Variants in HERC5 observed in about 807,000 individuals in gnomAD.
HERC5 encodes E3 ISG15--protein ligase HERC5.
In HERC5, 99 loss-of-function variants were observed where a neutral mutation model predicts 119.6. The ratio of observed to expected loss-of-function variants is 0.83; its 90% CI spans 0.70 to 0.98. The LOEUF is 0.98. Ranked by LOEUF, HERC5 falls within the 50% of genes least tolerant of loss-of-function variation. The probability of loss-of-function intolerance (pLI) is 0.00; values close to 1 mark genes in which losing one functional copy is unlikely to be tolerated. For missense variants in HERC5, 1,267 were observed against 1,241.3 expected (o/e 1.02, Z -0.31); for synonymous variants, 478 against 445.9 (o/e 1.07, Z -0.91).
At chr4:88,490,280 T>C (rs959002808) in intron 16 of HERC5, among the ~76,000 whole-genome samples, 2 of 152,218 alleles carry the variant, frequency 1.3e-5, no homozygotes, top group Admixed American at 1.3e-4. Flanking sequence ...CAACATTATG[T>C]GGCAGATTCT....
intron 13 of HERC5, among the ~76,000 whole-genome samples, chr4:88,483,592 G>A (rs558584102): frequency 1.4e-5 from 2 of 143,480 alleles, no homozygotes; most frequent in Admixed American, 7.3e-5. Context: ...GCAGTGGCAC[G>A]ATCTTGGCTT....
At chr4:88,505,035 A>C (rs1213104892) in intron 22 of HERC5, among the ~76,000 whole-genome samples, 1 of 152,172 alleles carries the variant, frequency 6.6e-6, no homozygotes, top group Non-Finnish European at 1.5e-5. Context: ...CTTTTGAGAA[A>C]TATTTATCTT....
At chr4:88,500,087 AC>A (rs1741905138) in intron 19 of HERC5, 95 bp downstream of exon 19, 1 of 760,832 alleles carries the variant, frequency 1.3e-6, no homozygotes, top group Non-Finnish European at 2.2e-6. Context: ...TAAAAAAAAA[AC>A]CTGAATAAAT....
At chr4:88,489,367 C>T in intron 16 of HERC5, 31 bp downstream of exon 16, 13 of 1,551,496 alleles carry the variant, frequency 8.4e-6, no homozygotes, top group Non-Finnish European at 1.1e-5. Context: ...AATGTTTTTG[C>T]TGCTGAGAAA....
Position 88,472,358 on chromosome 4 carries a change from G to T in HERC5, c.1299-51G>T, listed in dbSNP as rs759539784. On this transcript the variant is annotated intron_variant, in intron 10 of 22. Transcript: ENST00000264350. ...TGGGGCAAGCTCTAGAAGAAACTTT[G>T]CATCTAGGGAGATAATCTAACAAAA... 4 of 1,018,836 alleles carry T rather than the reference G, an allele frequency of 3.9e-6. No individual in the cohort carries two copies. In the East Asian group the frequency reaches 7.3e-5, roughly 19 times the overall value. The allele number at this position is 1,018,836 out of a possible 1,614,324, so 63.1% of individuals were successfully genotyped here. A position where few individuals can be genotyped will look rare whatever the true frequency, so the allele number is the denominator to read the frequency against.
chr4:88,500,242 G>C (rs916147276), intron 19 of HERC5, among the ~76,000 whole-genome samples: 1 of 152,192 alleles, frequency 6.6e-6, no homozygotes, highest in Non-Finnish European at 1.5e-5. Flanking sequence ...GGCCAGGCTG[G>C]ATGGTCTACA....
At chr4:88,457,645 C>T in intron 1 of HERC5, 111 bp downstream of exon 1, 2 of 1,111,212 alleles carry the variant, frequency 1.8e-6, no homozygotes, top group Admixed American at 4.2e-5. Context: ...GCCCAGAAGG[C>T]CGCAGACGCG....
intron 7 of HERC5, chr4:88,467,957 T>A: frequency 2.5e-6 from 2 of 803,948 alleles, no homozygotes; most frequent in Non-Finnish European, 3.0e-6. Context: ...TGATTCCTTA[T>A]AACAGTTACA....
chr4:88,468,321 T>A, intron 7 of HERC5, 25 bp from the exon 8 acceptor site: 1 of 1,547,448 alleles, frequency 6.5e-7, no homozygotes, highest in Non-Finnish European at 8.9e-7. Flanking sequence ...TTTCTAAAAC[T>A]CTTACTCTTT....
At chr4:88,463,785 CTT>C (rs994561321) in intron 5 of HERC5, 68 bp from the exon 6 acceptor site, 25 of 1,548,538 alleles carry the variant, frequency 1.6e-5, no homozygotes, top group Non-Finnish European at 2.1e-5. Context: ...TAGTGATTCA[CTT>C]TGCATCAGTG....
intron 11 of HERC5, chr4:88,473,906 A>C (rs1302927671): frequency 6.6e-6 from 1 of 152,226 alleles, no homozygotes; most frequent in Non-Finnish European, 1.5e-5. Context: ...AAATGAAATA[A>C]TCATAGGGCA....
chr4:88,463,780 A>T, intron 5 of HERC5, 75 bp from the exon 6 acceptor site: 2 of 1,530,538 alleles, frequency 1.3e-6, no homozygotes, highest in South Asian at 1.2e-5. Flanking sequence ...TTTATTAGTG[A>T]TTCACTTTGC....
chr4:88,463,679 G>T lies in HERC5; in HGVS notation c.780+56G>T, dbSNP rs1578465446. ...ATTTTTAGAAGAACAGTTTGTATGGGAAGTTAGTGTTTCCCAGAGAAGAAA... is the reference window on the plus strand; with the variant it reads ...ATTTTTAGAAGAACAGTTTGTATGGTAAGTTAGTGTTTCCCAGAGAAGAAA... On this transcript the variant is annotated intron_variant, in intron 5 of 22. Coordinates refer to ENST00000264350, the MANE Select transcript of HERC5 (RefSeq NM_016323.4). 3 of 1,495,834 alleles carry T rather than the reference G, an allele frequency of 2.0e-6. No individual in the cohort carries two copies. The Admixed American group carries it at 5.2e-5, about 26-fold the overall frequency. The allele number at this position is 1,495,834 out of a possible 1,614,324, so 92.7% of individuals were successfully genotyped here. A position where few individuals can be genotyped will look rare whatever the true frequency, so the allele number is the denominator to read the frequency against.
chr4:88,504,553 A>T lies in HERC5; in HGVS notation c.2825A>T (p.Lys942Met), dbSNP rs376489828. Reference protein sequence around the residue: ...SSHPTIVMFWKAFHKLTLEEK... With the variant: ...SSHPTIVMFWMAFHKLTLEEK... ...CATCCCACCATAGTGATGTTTTGGA[A>T]GGCTTTCCACAAATTGACTCTGGAA... Residue 942 changes from lysine (K) to methionine (M), a missense_variant, in exon 22 of 23, where the codon AAG becomes ATG. Lys to Met is a moderately conservative substitution (Grantham distance 95). Transcript: ENST00000264350. 12 of 1,578,328 alleles carry T rather than the reference A, an allele frequency of 7.6e-6. No homozygotes were observed. The African/African-American group carries it at 1.6e-4, about 22-fold the overall frequency.
intron 20 of HERC5, among the ~76,000 whole-genome samples, chr4:88,503,587 A>G (rs1742010426): frequency 6.6e-6 from 1 of 152,018 alleles, no homozygotes; most frequent in African/African-American, 2.4e-5. Context: ...CTGGTATATG[A>G]CTCGGTTGTC....
chr4:88,459,415 C>G lies in HERC5; in HGVS notation c.334C>G (p.Leu112Val). 1.3e-6 allele frequency: 2 copies of G among 1,595,722 alleles called. No homozygotes were observed. The highest frequency in any genetic ancestry group is 1.7e-4 in the Middle Eastern group (1 of 5,990). Residue 112 changes from leucine (L) to valine (V), a missense_variant, in exon 2 of 23, where the codon CTC becomes GTC. By Grantham distance (32) the Leu-to-Val change is conservative. Around this residue, in one of 3 missense-constraint regions of HERC5, gnomAD observed 777 missense variants for 758.0 expected, o/e 1.03. Transcript: ENST00000264350. ...VDQGAEHMLI[L>V]SSDGKPFEYD... is the part of the protein sequence containing the mutation. ...CCAAGGAGCAGAGCACATGCTGATTCTCTCATCAGATGGAAAACCATTTGA... is the reference window on the plus strand; with the variant it reads ...CCAAGGAGCAGAGCACATGCTGATTGTCTCATCAGATGGAAAACCATTTGA...
At chr4:88,496,666 T>C (rs1007854932) in intron 18 of HERC5, among the ~76,000 whole-genome samples, 1 of 152,222 alleles carries the variant, frequency 6.6e-6, no homozygotes, top group African/African-American at 2.4e-5. Flanking sequence ...GATTTAGATA[T>C]TAAATGCAAA....
chr4:88,505,659 A>G lies in HERC5; in HGVS notation c.2870-14A>G. Reference sequence around the variant, plus strand: ...CATGTAAAACAGATTGCCTAATTTTATTCTTCTTTTTAGTATTTCTTACAG... The same window carrying G: ...CATGTAAAACAGATTGCCTAATTTTGTTCTTCTTTTTAGTATTTCTTACAG... On this transcript the variant is annotated splice_polypyrimidine_tract_variant and intron_variant, in intron 22 of 22. Coordinates refer to ENST00000264350, the MANE Select transcript of HERC5 (RefSeq NM_016323.4). 1 of 1,443,522 alleles carries G rather than the reference A, an allele frequency of 6.9e-7. No homozygotes were observed. The highest frequency in any genetic ancestry group is 9.6e-7 in the Non-Finnish European group (1 of 1,040,774). 89.4% of individuals were successfully genotyped at this position (1,443,522 alleles called of 1,614,324 possible). A position where few individuals can be genotyped will look rare whatever the true frequency, so the allele number is the denominator to read the frequency against.
chr4:88,482,074 G>T (rs2149098895), intron 13 of HERC5, among the ~76,000 whole-genome samples: 1 of 152,080 alleles, frequency 6.6e-6, no homozygotes, highest in East Asian at 1.9e-4. Context: ...TTTGCTCGGA[G>T]GCTGAGGCGG....
Sources: gnomAD v4.1 joint callset for allele counts (sites outside exome capture counted in the v4.1 genomes callset) on GRCh38, gnomAD v4.1.1 for gene constraint, gnomAD v4.1.1 regional missense constraint, MANE v1.5 for transcripts, NCBI Gene and HGNC (gene_info 2026-07-23, HGNC 2026-07-21) for gene names.